TRIO: variants seen among roughly 807,000 people sequenced by gnomAD.
TRIO encodes triple functional domain protein.
Under a neutral mutation model 351.9 loss-of-function variants are expected in TRIO, and 58 were observed. That is an observed-to-expected ratio of 0.16 (90% CI 0.13 to 0.21). The LOEUF (loss-of-function observed/expected upper bound fraction) is 0.21, where lower values mean the gene tolerates loss of function less well. Ranked by LOEUF, TRIO falls within the 10% of genes least tolerant of loss-of-function variation. The pLI is 1.00. For missense variants in TRIO, 3,201 were observed against 4,027.8 expected, an observed-to-expected ratio of 0.79 and a Z score of 5.56; for synonymous variants, 1,758 against 1,595.7, an observed-to-expected ratio of 1.10 and a Z score of -2.42.
intron 1 of TRIO, among the ~76,000 whole-genome samples, chr5:14,164,737 A>G (rs1241627083): frequency 6.6e-6 from 1 of 152,146 alleles, no homozygotes; most frequent in African/African-American, 2.4e-5. Context: ...CCCTGATGTC[A>G]TTATGATTGT....
chr5:14,420,252 T>G (rs1750007894), intron 34 of TRIO: 1 of 588,998 alleles, frequency 1.7e-6, no homozygotes, highest in South Asian at 2.0e-5. Flanking sequence ...TCCAGGGCGG[T>G]GTAGTGAGAT....
intron 49 of TRIO, 86 bp from the exon 50 acceptor site, chr5:14,496,793 A>G (rs989425814): frequency 1.3e-6 from 2 of 1,547,698 alleles, no homozygotes; most frequent in Non-Finnish European, 1.8e-6. Flanking sequence ...CATACGTTGA[A>G]TATTCAGCTT....
At chr5:14,307,878 T>C (rs558688408) in intron 8 of TRIO, among the ~76,000 whole-genome samples, 2 of 152,244 alleles carry the variant, frequency 1.3e-5, no homozygotes, top group African/African-American at 2.4e-5. Context: ...CTTTCTCTTT[T>C]GTTTGTTTAT....
At chr5:14,173,400 C>T (rs564311325) in intron 1 of TRIO, among the ~76,000 whole-genome samples, 37 of 152,014 alleles carry the variant, frequency 2.4e-4, no homozygotes, top group African/African-American at 8.0e-4. Flanking sequence ...TCAGTAGAGA[C>T]GGGCTTTCAC....
chr5:14,276,635 G>C (rs1458210952), intron 2 of TRIO, among the ~76,000 whole-genome samples: 1 of 152,188 alleles, frequency 6.6e-6, no homozygotes, highest in African/African-American at 2.4e-5. Flanking sequence ...GTTGGACAGC[G>C]GCTGAAGAAT....
intron 18 of TRIO, among the ~76,000 whole-genome samples, chr5:14,372,276 G>GAA (rs34254573): frequency 6.6e-6 from 1 of 150,422 alleles, no homozygotes; most frequent in African/African-American, 2.5e-5. Flanking sequence ...GAGAGAGAGA[G>GAA]TGCAGGCGAG....
At chr5:14,392,489 A>T (rs550869091) in intron 27 of TRIO, among the ~76,000 whole-genome samples, 1 of 152,242 alleles carries the variant, frequency 6.6e-6, no homozygotes, top group Non-Finnish European at 1.5e-5. Context: ...GGGAGTGTAA[A>T]TTAGTTCAAC....
chr5:14,364,223 C>G (rs557313714), intron 14 of TRIO, among the ~76,000 whole-genome samples: 1 of 152,154 alleles, frequency 6.6e-6, no homozygotes, highest in Non-Finnish European at 1.5e-5. Context: ...AACATTTTCA[C>G]ATTCTTTATT....
chr5:14,473,613 A>G (rs1754837683), intron 39 of TRIO, among the ~76,000 whole-genome samples: 1 of 152,256 alleles, frequency 6.6e-6, no homozygotes. Context: ...TAATCCAAAA[A>G]GAAAAGAAAA....
intron 1 of TRIO, among the ~76,000 whole-genome samples, chr5:14,180,138 T>C (rs954217635): frequency 7.0e-6 from 1 of 143,478 alleles, no homozygotes; most frequent in Non-Finnish European, 1.5e-5. Context: ...AGATTAACTG[T>C]AATATAGATG....
intron 9 of TRIO, among the ~76,000 whole-genome samples, chr5:14,328,561 C>T (rs1279869040): frequency 1.3e-5 from 2 of 152,136 alleles, no homozygotes; most frequent in Non-Finnish European, 1.5e-5. Flanking sequence ...AATAATGTAC[C>T]GAATACATTA....
At chr5:14,476,475 C>G (rs889818662) in intron 40 of TRIO, among the ~76,000 whole-genome samples, 2 of 152,180 alleles carry the variant, frequency 1.3e-5, no homozygotes, top group African/African-American at 4.8e-5. Flanking sequence ...TTCACAGTTG[C>G]TCATGTCAGA....
At chr5:14,181,089 A>ATTTTTTTT (rs35461923) in intron 1 of TRIO, among the ~76,000 whole-genome samples, 1 of 148,980 alleles carries the variant, frequency 6.7e-6, no homozygotes. Context: ...ACTACAATGT[A>ATTTTTTTT]TTTTTTTTTG....
At chr5:14,377,892 A>G in intron 19 of TRIO, 120 bp from the exon 20 acceptor site, 1 of 711,154 alleles carries the variant, frequency 1.4e-6, no homozygotes, top group South Asian at 1.7e-5. Context: ...GTGATTCTTT[A>G]TTTATCGTGC....
intron 18 of TRIO, among the ~76,000 whole-genome samples, chr5:14,372,448 C>G (rs1305652115): frequency 6.6e-6 from 1 of 152,114 alleles, no homozygotes; most frequent in East Asian, 1.9e-4. Context: ...ATCAGCCTTT[C>G]AGCTAATGGT....
intron 34 of TRIO, among the ~76,000 whole-genome samples, chr5:14,451,393 A>G (rs1405289260): frequency 6.6e-6 from 1 of 152,226 alleles, no homozygotes; most frequent in Non-Finnish European, 1.5e-5. Context: ...GAAAGTGTAG[A>G]GATGACAATC....
At chr5:14,435,057 G>T (rs574637299) in intron 34 of TRIO, among the ~76,000 whole-genome samples, 15 of 152,182 alleles carry the variant, frequency 9.9e-5, no homozygotes, top group Non-Finnish European at 2.1e-4. Context: ...TCTCCCTGTC[G>T]GTGTGTGGAC....
intron 9 of TRIO, among the ~76,000 whole-genome samples, chr5:14,318,963 A>G (rs1407240513): frequency 6.7e-6 from 1 of 150,188 alleles, no homozygotes; most frequent in Non-Finnish European, 1.5e-5. Flanking sequence ...TCTTTCTCTC[A>G]TCTCATGCTT....
intron 11 of TRIO, among the ~76,000 whole-genome samples, chr5:14,337,664 G>A (rs192755405): frequency 1.3e-5 from 2 of 152,282 alleles, no homozygotes; most frequent in Non-Finnish European, 2.9e-5. Flanking sequence ...AGGCATCAGT[G>A]CTCGGAGACC....
Sources: allele counts gnomAD v4.1 joint callset (sites outside exome capture counted in the v4.1 genomes callset), GRCh38; gene constraint gnomAD v4.1.1; transcripts MANE v1.5; gene names NCBI Gene and HGNC (gene_info 2026-07-23, HGNC 2026-07-21).